Variants in FHIT observed in about 807,000 individuals in gnomAD.
FHIT encodes the protein bis(5'-adenosyl)-triphosphatase.
A neutral mutation model predicts 17.9 loss-of-function variants in FHIT; 19 were observed. The ratio of observed to expected loss-of-function variants is 1.06; its 90% confidence interval spans 0.74 to 1.56. FHIT has a LOEUF of 1.56. Among genes scored for constraint, FHIT ranks in the 40% most tolerant of loss-of-function variants. The pLI is 0.00. For synonymous variants in FHIT, 81 were observed against 69.7 expected (o/e 1.16, Z -0.81); for missense variants, 248 against 189.2 (o/e 1.31, Z -1.82).
At chr3:60,972,398 G>C (rs1575777396) in intron 3 of FHIT, among the ~76,000 whole-genome samples, 1 of 152,218 alleles carries the variant, frequency 6.6e-6, no homozygotes, top group South Asian at 2.1e-4. Context: ...GCATCCCATT[G>C]TTTTCTTGGT....
intron 4 of FHIT, among the ~76,000 whole-genome samples, chr3:60,541,447 T>C (rs2036182936): frequency 6.6e-6 from 1 of 152,194 alleles, no homozygotes. Flanking sequence ...TGTACCACTT[T>C]GATTTTTTGC....
At chr3:59,931,310 TTCGCCTTTCTTGATTTG>T (rs1705960071) in intron 7 of FHIT, among the ~76,000 whole-genome samples, 1 of 152,176 alleles carries the variant, frequency 6.6e-6, no homozygotes. Flanking sequence ...ATGGCTGGAT[TTCGCCTTTCTTGATTTG>T]GGGAGGCCTC....
intron 8 of FHIT, among the ~76,000 whole-genome samples, chr3:59,757,868 CTT>C (rs1184954523): frequency 6.6e-6 from 1 of 152,098 alleles, no homozygotes; most frequent in East Asian, 1.9e-4. Flanking sequence ...CTGATCCTCT[CTT>C]ATTACTTTCT....
At chr3:60,909,758 T>C (rs576203054) in intron 3 of FHIT, among the ~76,000 whole-genome samples, 17 of 152,314 alleles carry the variant, frequency 1.1e-4, no homozygotes, top group Non-Finnish European at 1.9e-4. Context: ...GAGTGAATTC[T>C]AGGTAAACAT....
intron 5 of FHIT, among the ~76,000 whole-genome samples, chr3:60,369,933 A>C (rs1195122586): frequency 6.6e-6 from 1 of 152,240 alleles, no homozygotes; most frequent in Non-Finnish European, 1.5e-5. Flanking sequence ...AAATCTTTTA[A>C]GCCAAAGAGA....
At chr3:60,008,931 C>T (rs773688032) in intron 7 of FHIT, among the ~76,000 whole-genome samples, 8 of 152,118 alleles carry the variant, frequency 5.3e-5, no homozygotes, top group Admixed American at 2.0e-4. Flanking sequence ...ATATCTATCA[C>T]GGGATGTGCT....
At chr3:60,032,196 T>C (rs1050706324) in intron 5 of FHIT, among the ~76,000 whole-genome samples, 1 of 152,220 alleles carries the variant, frequency 6.6e-6, no homozygotes, top group Non-Finnish European at 1.5e-5. Context: ...TACTTCTCTA[T>C]ACTTAACTGT....
intron 5 of FHIT, among the ~76,000 whole-genome samples, chr3:60,184,129 C>G (rs1247164961): frequency 1.3e-5 from 2 of 151,792 alleles, no homozygotes; most frequent in African/African-American, 2.4e-5. Context: ...CTCGGATTAC[C>G]GGGCATTATC....
chr3:60,232,613 G>A (rs1167960207), intron 5 of FHIT, among the ~76,000 whole-genome samples: 5 of 152,106 alleles, frequency 3.3e-5, no homozygotes, highest in African/African-American at 4.8e-5. Flanking sequence ...ACATTCGCTG[G>A]GTTTCCTGGG....
intron 3 of FHIT, among the ~76,000 whole-genome samples, chr3:61,033,855 C>T (rs766947523): frequency 6.6e-6 from 1 of 152,128 alleles, no homozygotes; most frequent in Admixed American, 6.5e-5. Context: ...GAATTTCACA[C>T]AAAGATGGGT....
chr3:60,181,032 G>A (rs926378874), intron 5 of FHIT, among the ~76,000 whole-genome samples: 6 of 151,954 alleles, frequency 3.9e-5, no homozygotes, highest in Non-Finnish European at 8.8e-5. Context: ...GAGTTAAACT[G>A]CCACATTGAT....
At chr3:61,145,748 G>A (rs559024947) in intron 2 of FHIT, among the ~76,000 whole-genome samples, 1 of 112,806 alleles carries the variant, frequency 8.9e-6, no homozygotes, top group African/African-American at 3.1e-5. Context: ...TTTATTCTTA[G>A]ATATTTTATT....
At chr3:60,652,714 A>C (rs9869553) in intron 4 of FHIT, among the ~76,000 whole-genome samples, 108,077 of 135,066 alleles carry the variant, frequency 0.8, 43,232 homozygotes, top group East Asian at 0.88. Flanking sequence ...GGCAAAAGAG[A>C]GAGACTCCAT....
At chr3:60,488,210 T>C (rs991783) in intron 5 of FHIT, among the ~76,000 whole-genome samples, 14,332 of 152,240 alleles carry the variant, frequency 0.094, 959 homozygotes, top group African/African-American at 0.18. Context: ...ACTCCTGTGA[T>C]TGAGCTAAAA....
chr3:61,213,915 A>G (rs2039579146), intron 1 of FHIT, among the ~76,000 whole-genome samples: 1 of 152,244 alleles, frequency 6.6e-6, no homozygotes, highest in East Asian at 1.9e-4. Flanking sequence ...TACTGGGTAC[A>G]TAACGAAATG....
chr3:61,215,404 A>G (rs545492626), intron 1 of FHIT, among the ~76,000 whole-genome samples: 1 of 152,208 alleles, frequency 6.6e-6, no homozygotes. Flanking sequence ...GTGAACTCCC[A>G]TTCACAATTG....
At chr3:59,888,343 G>T (rs1218907903) in intron 8 of FHIT, among the ~76,000 whole-genome samples, 1 of 152,124 alleles carries the variant, frequency 6.6e-6, no homozygotes, top group South Asian at 2.1e-4. Flanking sequence ...TTCTAATAAG[G>T]AGAAAAGTGT....
intron 3 of FHIT, among the ~76,000 whole-genome samples, chr3:61,004,127 T>G (rs565558183): frequency 1.3e-5 from 2 of 152,084 alleles, no homozygotes; most frequent in African/African-American, 4.8e-5. Context: ...CGGAGCCACA[T>G]GAATATTGTG....
At chr3:60,586,247 G>A (rs1168860121) in intron 4 of FHIT, among the ~76,000 whole-genome samples, 1 of 151,970 alleles carries the variant, frequency 6.6e-6, no homozygotes, top group Non-Finnish European at 1.5e-5. Context: ...AAGGTAAGCA[G>A]GGTAGGAGGA....
Sources: allele counts gnomAD v4.1 joint callset (sites outside exome capture counted in the v4.1 genomes callset), GRCh38; gene constraint gnomAD v4.1.1; transcripts MANE v1.5; gene names NCBI Gene and HGNC (gene_info 2026-07-23, HGNC 2026-07-21).